PIGB: variants seen among roughly 807,000 people sequenced by gnomAD.
PIGB encodes the protein phosphatidylinositol glycan anchor biosynthesis class B, also known as GPI alpha-1,2-mannosyltransferase 3.
Under a neutral mutation model 68.4 loss-of-function variants are expected in PIGB, and 58 were observed. The ratio of observed to expected loss-of-function variants is 0.85; its 90% confidence interval spans 0.69 to 1.06. PIGB has a LOEUF of 1.06. Ranked by LOEUF, PIGB falls within the 50% of genes least tolerant of loss-of-function variation. The pLI is 0.00. For synonymous variants in PIGB, 219 were observed against 220.5 expected, an observed-to-expected ratio of 0.99 and a Z score of 0.06; for missense variants, 634 against 655.8, an observed-to-expected ratio of 0.97 and a Z score of 0.36.
At chr15:55,349,028 C>CTCT (rs74583112) in intron 9 of PIGB, among the ~76,000 whole-genome samples, 22,174 of 151,454 alleles carry the variant, frequency 0.15, 2,227 homozygotes, top group East Asian at 0.53. Flanking sequence ...TCACTGCAAC[C>CTCT]TCTGACACCA....
chr15:55,320,469 T>G, intron 2 of PIGB, 59 bp downstream of exon 2: 2 of 1,541,598 alleles, frequency 1.3e-6, no homozygotes, highest in Non-Finnish European at 1.8e-6. Context: ...GAAATTGTGC[T>G]CAGTTTCTTT....
intron 3 of PIGB, chr15:55,324,825 T>C (rs2055243259): frequency 1.0e-6 from 1 of 984,666 alleles, no homozygotes; most frequent in Non-Finnish European, 1.2e-6. Flanking sequence ...CTATGCAGAG[T>C]AAACAGAAGG....
chr15:55,331,432 G>A (rs1267548402), intron 5 of PIGB, among the ~76,000 whole-genome samples: 2 of 152,074 alleles, frequency 1.3e-5, no homozygotes, highest in Admixed American at 6.6e-5. Context: ...TGCAACTATT[G>A]GCCGGGTGTG....
rs1271706162 is a variant in PIGB at position 55,351,782 on chromosome 15, G to T, written c.1337+870G>T. On this transcript the variant is annotated intron_variant, in intron 10 of 11. Transcript: ENST00000164305. ...AGCTACTCGGGAGGCTGAGGCAGGA[G>T]AATGGCATGAACCCAGGAGGCGGAG... 6 of 138,066 alleles carry T rather than the reference G, an allele frequency of 4.3e-5. No individual in the cohort carries two copies. The South Asian group carries it at 9.8e-4, about 23-fold the overall frequency. 8.6% of individuals were successfully genotyped at this position (138,066 alleles called of 1,614,324 possible).
At position 55,320,344 on chromosome 15, in the gene PIGB, T is replaced by C. The variant is rs755003473; in HGVS notation, c.233T>C (p.Val78Ala). ...IALRILNCFL[V>A]QTSFVPDEYW... ...TTACGAATATTAAACTGCTTTTTAG[T>C]GCAGACAAGTTTTGTTCCAGATGAA... Residue 78 changes from valine to alanine, a missense_variant, in exon 2 of 12, where the codon GTG becomes GCG. Coordinates refer to ENST00000164305, the MANE Select transcript of PIGB (RefSeq NM_004855.5). The C allele has an allele frequency of 1.2e-6, 2 of 1,613,250 alleles. No individual in the cohort carries two copies. The highest frequency in any genetic ancestry group is 8.5e-7 in the Non-Finnish European group (1 of 1,179,284).
In PIGB at chr15:55,320,317, C is replaced by A. The variant is rs1371413357; in HGVS notation, c.206C>A (p.Ala69Asp). 1 of 1,612,800 alleles carries A rather than the reference C, an allele frequency of 6.2e-7. No homozygotes were observed. Among genetic ancestry groups the A allele is most frequent in the Non-Finnish European group, 8.5e-7 (1 of 1,178,908 alleles). Residue 69 changes from alanine to aspartate, a missense_variant, in exon 2 of 12, where the codon GCT becomes GAT. Ala to Asp is a moderately radical substitution (Grantham distance 126). Transcript: ENST00000164305. ...ENIYLLLFTI[A>D]LRILNCFLVQ... ...ATTTATCTGCTCTTGTTTACCATAG[C>A]TTTACGAATATTAAACTGCTTTTTA...
intron 1 of PIGB, 195 bp from the exon 2 acceptor site, chr15:55,320,078 TAA>T: frequency 2.4e-6 from 1 of 424,052 alleles, no homozygotes. Flanking sequence ...TTGGTTAAAC[TAA>T]AAGAGTGGCA....
intron 10 of PIGB, among the ~76,000 whole-genome samples, chr15:55,353,546 T>G (rs2055976222): frequency 1.3e-5 from 2 of 152,204 alleles, no homozygotes; most frequent in African/African-American, 4.8e-5. Context: ...ATGACCTAAG[T>G]AACTGGCTTA....
chr15:55,340,840 T>C lies in PIGB; in HGVS notation c.1058+17T>C, dbSNP rs1173129814. 6.1e-6 allele frequency: 9 copies of C among 1,470,846 alleles called. No homozygotes were observed. The highest frequency in any genetic ancestry group is 8.3e-6 in the Non-Finnish European group (9 of 1,085,210). 91.1% of individuals were successfully genotyped at this position (1,470,846 alleles called of 1,614,324 possible). On this transcript the variant is annotated intron_variant, in intron 8 of 11. Coordinates refer to ENST00000164305, the MANE Select transcript of PIGB (RefSeq NM_004855.5). ...TGTTTATAGGTAAGATTTTATTTGT[T>C]CAAAAGGCTAAAATTTTTTATGTTA... is the stretch of plus-strand genomic sequence containing the variant.
chr15:55,320,510 A>T (rs1595764326), intron 2 of PIGB, 100 bp downstream of exon 2: 1 of 1,075,818 alleles, frequency 9.3e-7, no homozygotes, highest in East Asian at 2.4e-5. Flanking sequence ...CCTCGTCTTC[A>T]GTAGATAGTT....
At chr15:55,327,901 C>T (rs1396069251) in intron 4 of PIGB, among the ~76,000 whole-genome samples, 7 of 152,178 alleles carry the variant, frequency 4.6e-5, no homozygotes, top group South Asian at 4.1e-4. Flanking sequence ...AGCCCCTTCA[C>T]TCCTCAAAAC....
rs779873947 is a variant in PIGB at position 55,350,855 on chromosome 15, A to G, written c.1280A>G (p.Asn427Ser). The G allele has an allele frequency of 2.5e-5, 41 of 1,609,482 alleles. No homozygotes were observed. The East Asian group carries it at 8.3e-4, about 32-fold the overall frequency. Residue 427 changes from asparagine (N) to serine (S), a missense_variant, in exon 10 of 12, where the codon AAT (asparagine) becomes AGT (serine). By Grantham distance (46) the Asn-to-Ser change is conservative. Coordinates refer to ENST00000164305, the MANE Select transcript of PIGB (RefSeq NM_004855.5). ...HIQKVCYNNPNKSSASIFIMM... is the reference protein window; with the variant it reads ...HIQKVCYNNPSKSSASIFIMM... ...CAAAAAGTTTGTTACAACAATCCCA[A>G]TAAATCTTCAGCTTCAATATTTATA...
chr15:55,340,869 A>G (rs1358233886), intron 8 of PIGB, 46 bp downstream of exon 8: 3 of 1,222,718 alleles, frequency 2.5e-6, no homozygotes, highest in African/African-American at 3.1e-5. Context: ...TATGTTACCA[A>G]GAAATCAAAT....
chr15:55,347,158 G>A (rs2055812625), intron 9 of PIGB, among the ~76,000 whole-genome samples: 1 of 152,256 alleles, frequency 6.6e-6, no homozygotes, highest in Admixed American at 6.5e-5. Context: ...TTCTGGCTGG[G>A]CGCTGTGGCT....
At chr15:55,350,974 C>A in intron 10 of PIGB, 62 bp downstream of exon 10, 1 of 810,970 alleles carries the variant, frequency 1.2e-6, no homozygotes, top group Non-Finnish European at 1.9e-6. Flanking sequence ...TTAAAATTCC[C>A]TTTCAGATTC....
At chr15:55,348,223 G>C (rs945326880) in intron 9 of PIGB, 6 of 152,242 alleles carry the variant, frequency 3.9e-5, no homozygotes, top group Non-Finnish European at 8.8e-5. Context: ...TTCACCTCGC[G>C]ATCTGCCCGC....
At chr15:55,350,546 G>A in intron 9 of PIGB, 153 bp from the exon 10 acceptor site, 1 of 626,812 alleles carries the variant, frequency 1.6e-6, no homozygotes, top group Non-Finnish European at 2.8e-6. Flanking sequence ...AGTGAATGGT[G>A]AATGGTCAGA....
chr15:55,329,081 A>G (rs1015012125), intron 4 of PIGB, among the ~76,000 whole-genome samples: 2 of 152,240 alleles, frequency 1.3e-5, no homozygotes, highest in Non-Finnish European at 2.9e-5. Flanking sequence ...CACATGCTTA[A>G]CAATTGCCTC....
At chr15:55,327,212 A>T (rs915157053) in intron 3 of PIGB, among the ~76,000 whole-genome samples, 4 of 126,906 alleles carry the variant, frequency 3.2e-5, no homozygotes, top group Non-Finnish European at 6.4e-5. Flanking sequence ...TATCATATTT[A>T]TATATAAATA....
Sources: allele counts gnomAD v4.1 joint callset (sites outside exome capture counted in the v4.1 genomes callset), GRCh38; gene constraint gnomAD v4.1.1; transcripts MANE v1.5; gene names NCBI Gene and HGNC (gene_info 2026-07-23, HGNC 2026-07-21).